Variants in CFAP20DC observed in about 807,000 individuals in gnomAD.
CFAP20DC encodes the protein protein CFAP20DC.
A neutral mutation model predicts 101.7 loss-of-function variants in CFAP20DC; 84 were observed. That is an observed-to-expected ratio of 0.83 (90% CI 0.69 to 0.99). The LOEUF is 0.99. Among genes scored for constraint, CFAP20DC ranks in the 50% least tolerant of loss-of-function variants. The probability of loss-of-function intolerance (pLI) is 0.00; values close to 1 mark genes in which losing one functional copy is unlikely to be tolerated. For synonymous variants in CFAP20DC, 359 were observed against 351.2 expected, an observed-to-expected ratio of 1.02 and a Z score of -0.25; for missense variants, 1,007 against 970.3, an observed-to-expected ratio of 1.04 and a Z score of -0.50.
intron 5 of CFAP20DC, among the ~76,000 whole-genome samples, chr3:58,923,375 G>C (rs1207879077): frequency 6.6e-6 from 1 of 151,740 alleles, no homozygotes; most frequent in Admixed American, 6.6e-5. Context: ...TTTCAGTTTT[G>C]ACAACTTCCT....
intron 12 of CFAP20DC, among the ~76,000 whole-genome samples, chr3:58,855,753 C>T (rs561088887): frequency 4.1e-5 from 6 of 146,882 alleles, no homozygotes; most frequent in Non-Finnish European, 8.9e-5. Flanking sequence ...CTAAACACCA[C>T]ATATTCTCAC....
At chr3:58,831,917 G>T in intron 13 of CFAP20DC, 28 bp from the exon 14 acceptor site, 1 of 1,596,126 alleles carries the variant, frequency 6.3e-7, no homozygotes, top group Non-Finnish European at 8.6e-7. Flanking sequence ...AAATAACAAA[G>T]GGTCATTTGG....
intron 5 of CFAP20DC, among the ~76,000 whole-genome samples, chr3:58,934,149 T>C (rs568960040): frequency 2.6e-5 from 4 of 152,286 alleles, no homozygotes; most frequent in African/African-American, 7.2e-5. Context: ...AACACCTCTA[T>C]GCAAATAAAC....
At chr3:58,957,698 C>T (rs1364085135) in intron 4 of CFAP20DC, among the ~76,000 whole-genome samples, 1 of 151,934 alleles carries the variant, frequency 6.6e-6, no homozygotes, top group Non-Finnish European at 1.5e-5. Context: ...TTAGTCATTT[C>T]CAACAATATA....
intron 4 of CFAP20DC, among the ~76,000 whole-genome samples, chr3:59,023,456 G>T (rs1236018019): frequency 6.6e-6 from 1 of 152,030 alleles, no homozygotes; most frequent in African/African-American, 2.4e-5. Flanking sequence ...GAACGATTAG[G>T]GTTCAAAAAG....
intron 15 of CFAP20DC, among the ~76,000 whole-genome samples, chr3:58,781,089 T>C (rs1053143182): frequency 2.6e-5 from 4 of 151,914 alleles, no homozygotes; most frequent in Non-Finnish European, 5.9e-5. Flanking sequence ...ATTCAGTATC[T>C]TCTCAGACAA....
Position 58,811,029 on chromosome 3 carries a change from A to G in CFAP20DC, c.2176-4573T>C, listed in dbSNP as rs369855575. 3.3e-5 allele frequency among the ~76,000 whole-genome samples: 5 copies of G among 152,180 alleles called. No homozygotes were observed. In the East Asian group the frequency reaches 5.8e-4, roughly 18 times the overall value. On this transcript the variant is annotated intron_variant, in intron 14 of 16. Transcript: ENST00000482387. ...GAAGGACCTCTTCAAGGAGTACTACAAATCACTGCTCAGTGAAATAAAAGA... is the reference window on the plus strand; with the variant it reads ...GAAGGACCTCTTCAAGGAGTACTACGAATCACTGCTCAGTGAAATAAAAGA...
chr3:58,909,965 A>T (rs1437805540), intron 6 of CFAP20DC, among the ~76,000 whole-genome samples: 1 of 152,052 alleles, frequency 6.6e-6, no homozygotes, highest in East Asian at 1.9e-4. Flanking sequence ...GCTCCCACTT[A>T]TGAGTGAGAA....
intron 6 of CFAP20DC, among the ~76,000 whole-genome samples, chr3:58,891,361 G>C (rs1026368592): frequency 6.6e-6 from 1 of 151,644 alleles, no homozygotes; most frequent in Non-Finnish European, 1.5e-5. Context: ...CGAGATGGCA[G>C]CAGTACAGTC....
chr3:58,932,993 C>T (rs567168410), intron 5 of CFAP20DC, among the ~76,000 whole-genome samples: 2 of 152,112 alleles, frequency 1.3e-5, no homozygotes, highest in South Asian at 4.2e-4. Flanking sequence ...TGGATAGAGA[C>T]AAGACCCATC....
chr3:58,917,613 T>C (rs1353634607), intron 5 of CFAP20DC, among the ~76,000 whole-genome samples: 1 of 152,236 alleles, frequency 6.6e-6, no homozygotes, highest in Non-Finnish European at 1.5e-5. Flanking sequence ...TTATGATGTT[T>C]ATTCTTGTGT....
At chr3:58,822,363 C>T (rs1346435862) in intron 14 of CFAP20DC, among the ~76,000 whole-genome samples, 2 of 145,802 alleles carry the variant, frequency 1.4e-5, no homozygotes, top group Admixed American at 1.4e-4. Flanking sequence ...CGCATATTCT[C>T]ACTCATAGGT....
At chr3:58,854,888 A>G (rs2078621398) in intron 12 of CFAP20DC, among the ~76,000 whole-genome samples, 1 of 145,326 alleles carries the variant, frequency 6.9e-6, no homozygotes, top group Non-Finnish European at 1.5e-5. Flanking sequence ...AAACCCTAGA[A>G]GAAAACCTAG....
rs148327667 is a variant in CFAP20DC at position 58,911,666 on chromosome 3, T to C, written c.550+2042A>G. On this transcript the variant is annotated intron_variant, in intron 6 of 16. Coordinates refer to ENST00000482387, the MANE Select transcript of CFAP20DC (RefSeq NM_001394063.1). ...TTATTGAAGTAAAATAAAAACACATTATTCTTATTTTATAGATGCAGTATC... is the reference window on the plus strand; with the variant it reads ...TTATTGAAGTAAAATAAAAACACATCATTCTTATTTTATAGATGCAGTATC... Among the ~76,000 whole-genome samples the C allele has an allele frequency of 3.7e-3, 565 of 152,238 alleles. 3 individuals carry two copies. Among genetic ancestry groups the C allele is most frequent in the Admixed American group, 8.0e-3 (122 of 15,278 alleles).
intron 4 of CFAP20DC, among the ~76,000 whole-genome samples, chr3:59,005,458 C>T (rs1436380799): frequency 6.6e-6 from 1 of 152,172 alleles, no homozygotes; most frequent in South Asian, 2.1e-4. Flanking sequence ...GACAAAGTCA[C>T]CTTACATAAC....
intron 14 of CFAP20DC, among the ~76,000 whole-genome samples, chr3:58,812,007 A>G (rs1335036362): frequency 1.3e-5 from 2 of 152,164 alleles, no homozygotes; most frequent in Non-Finnish European, 2.9e-5. Flanking sequence ...ACAATGAGAT[A>G]CCATCTCACA....
chr3:58,803,373 G>A (rs1041222771), intron 15 of CFAP20DC, among the ~76,000 whole-genome samples: 1 of 152,102 alleles, frequency 6.6e-6, no homozygotes, highest in African/African-American at 2.4e-5. Flanking sequence ...TTATCCAACA[G>A]GGTGGACTTC....
chr3:58,752,956 C>A (rs1364827004), intron 16 of CFAP20DC, among the ~76,000 whole-genome samples: 2 of 152,254 alleles, frequency 1.3e-5, no homozygotes, highest in East Asian at 3.9e-4. Flanking sequence ...AGAAAACTGT[C>A]TGAGAGAGTC....
At chr3:58,932,002 G>C (rs530993465) in intron 5 of CFAP20DC, among the ~76,000 whole-genome samples, 1 of 152,138 alleles carries the variant, frequency 6.6e-6, no homozygotes, top group East Asian at 1.9e-4. Flanking sequence ...TCAAACCAAA[G>C]GCAAAGAAGT....
Sources: gnomAD v4.1 joint callset for allele counts (sites outside exome capture counted in the v4.1 genomes callset) on GRCh38, gnomAD v4.1.1 for gene constraint, MANE v1.5 for transcripts, NCBI Gene and HGNC (gene_info 2026-07-23, HGNC 2026-07-21) for gene names.